SNTB1: variants seen among roughly 807,000 people sequenced by gnomAD.
The protein encoded by SNTB1 is beta-1-syntrophin.
Under a neutral mutation model 48.9 loss-of-function variants are expected in SNTB1, and 36 were observed. The ratio of observed to expected loss-of-function variants is 0.74; its 90% CI spans 0.56 to 0.97. The LOEUF is 0.97. Ranked by LOEUF, SNTB1 falls within the 50% of genes least tolerant of loss-of-function variation. The probability of loss-of-function intolerance (pLI) is 0.00; values close to 1 mark genes in which losing one functional copy is unlikely to be tolerated. For missense variants in SNTB1, 786 were observed against 703.4 expected (o/e 1.12, Z -1.33); for synonymous variants, 299 against 294.6 (o/e 1.01, Z -0.15).
intron 1 of SNTB1, among the ~76,000 whole-genome samples, chr8:120,797,946 T>TCTTGTCACACAAGAATAGTA (rs1359036693): frequency 3.3e-5 from 5 of 152,018 alleles, no homozygotes; most frequent in African/African-American, 1.2e-4. Context: ...TCAGTAGTTC[T>TCTTGTCACACAAGAATAGTA]CTTGTCACAC....
chr8:120,761,812 TAG>T (rs1205583147), intron 1 of SNTB1, among the ~76,000 whole-genome samples: 1 of 152,186 alleles, frequency 6.6e-6, no homozygotes, highest in Non-Finnish European at 1.5e-5. Context: ...TGAATAGATA[TAG>T]GATACTTGAT....
At chr8:120,621,992 T>C (rs2130742629) in intron 3 of SNTB1, among the ~76,000 whole-genome samples, 1 of 152,318 alleles carries the variant, frequency 6.6e-6, no homozygotes, top group East Asian at 1.9e-4. Context: ...ACATCACTGG[T>C]CCACCATCTC....
At chr8:120,654,591 G>A (rs527626560) in intron 2 of SNTB1, among the ~76,000 whole-genome samples, 47 of 152,108 alleles carry the variant, frequency 3.1e-4, no homozygotes, top group Non-Finnish European at 3.1e-4. Context: ...GGAATTATAC[G>A]CTCACTCTCG....
intron 1 of SNTB1, among the ~76,000 whole-genome samples, chr8:120,715,751 T>C (rs1397084608): frequency 6.6e-6 from 1 of 152,220 alleles, no homozygotes; most frequent in Non-Finnish European, 1.5e-5. Context: ...CTTTCCTTTT[T>C]TTCCCCCTCC....
intron 2 of SNTB1, among the ~76,000 whole-genome samples, chr8:120,642,094 T>A (rs1295958534): frequency 1.3e-5 from 2 of 152,064 alleles, no homozygotes; most frequent in African/African-American, 4.8e-5. Context: ...TCCAGGAAAA[T>A]CTGACTCTAG....
At chr8:120,730,351 A>G (rs1016801338) in intron 1 of SNTB1, among the ~76,000 whole-genome samples, 2 of 151,794 alleles carry the variant, frequency 1.3e-5, no homozygotes, top group Non-Finnish European at 2.9e-5. Context: ...GTATTTTTGT[A>G]GAGTATTTTG....
At chr8:120,556,001 G>T (rs1451174303) in intron 4 of SNTB1, among the ~76,000 whole-genome samples, 1 of 152,174 alleles carries the variant, frequency 6.6e-6, no homozygotes, top group African/African-American at 2.4e-5. Flanking sequence ...AATGTCTGTT[G>T]TTGGCACCAC....
intron 5 of SNTB1, among the ~76,000 whole-genome samples, chr8:120,543,446 A>G (rs1815325106): frequency 6.6e-6 from 1 of 152,260 alleles, no homozygotes; most frequent in East Asian, 1.9e-4. Context: ...TATAAACCAC[A>G]CACTTCTGAA....
At chr8:120,648,525 C>T (rs1488708556) in intron 2 of SNTB1, among the ~76,000 whole-genome samples, 5 of 152,042 alleles carry the variant, frequency 3.3e-5, no homozygotes, top group African/African-American at 7.2e-5. Context: ...AGGGTTTCTG[C>T]CGAGACATCT....
At chr8:120,559,055 C>G (rs1314170591) in intron 4 of SNTB1, among the ~76,000 whole-genome samples, 3 of 152,210 alleles carry the variant, frequency 2.0e-5, no homozygotes, top group Non-Finnish European at 4.4e-5. Flanking sequence ...CTCTCCCACT[C>G]TCAGCCCTTC....
intron 2 of SNTB1, among the ~76,000 whole-genome samples, chr8:120,634,691 G>T (rs898382729): frequency 6.6e-6 from 1 of 152,098 alleles, no homozygotes; most frequent in Non-Finnish European, 1.5e-5. Context: ...TTTTGCAGAT[G>T]GCCTGAGAGT....
chr8:120,689,335 G>T (rs1818087225), intron 2 of SNTB1, among the ~76,000 whole-genome samples: 1 of 152,186 alleles, frequency 6.6e-6, no homozygotes, highest in South Asian at 2.1e-4. Context: ...TTATAGTTCA[G>T]GCGAGCTGCT....
intron 2 of SNTB1, among the ~76,000 whole-genome samples, chr8:120,650,308 A>T (rs1184622088): frequency 6.6e-6 from 1 of 152,182 alleles, no homozygotes; most frequent in Non-Finnish European, 1.5e-5. Context: ...CCTCTCACTG[A>T]CAACACGTGA....
intron 2 of SNTB1, among the ~76,000 whole-genome samples, chr8:120,653,778 G>C (rs1169918760): frequency 6.6e-6 from 1 of 152,018 alleles, no homozygotes; most frequent in Admixed American, 6.6e-5. Context: ...TGTGGCTCAC[G>C]CCTGTAATCC....
intron 3 of SNTB1, among the ~76,000 whole-genome samples, chr8:120,575,739 C>A (rs991964961): frequency 2.6e-5 from 4 of 152,204 alleles, no homozygotes; most frequent in African/African-American, 9.6e-5. Context: ...ATTCAGGCAT[C>A]ATCTTGAAAC....
At chr8:120,719,672 C>A (rs1462651892) in intron 1 of SNTB1, among the ~76,000 whole-genome samples, 2 of 152,110 alleles carry the variant, frequency 1.3e-5, no homozygotes, top group Admixed American at 1.3e-4. Flanking sequence ...AAAAGCAGAA[C>A]CCGAGACAAG....
At chr8:120,686,693 C>G (rs1818040124) in intron 2 of SNTB1, among the ~76,000 whole-genome samples, 1 of 152,168 alleles carries the variant, frequency 6.6e-6, no homozygotes, top group Admixed American at 6.5e-5. Flanking sequence ...AAGTAACAGA[C>G]TTGGGATTTA....
chr8:120,686,923 A>G (rs1818045064), intron 2 of SNTB1, among the ~76,000 whole-genome samples: 1 of 152,208 alleles, frequency 6.6e-6, no homozygotes, highest in South Asian at 2.1e-4. Context: ...GTGCCCAACA[A>G]AGAATGAAGA....
chr8:120,703,586 A>G (rs1468831101), intron 1 of SNTB1, among the ~76,000 whole-genome samples: 1 of 152,238 alleles, frequency 6.6e-6, no homozygotes, highest in African/African-American at 2.4e-5. Context: ...AAATGGAGGT[A>G]GGCAAGATTT....
Sources: allele counts gnomAD v4.1 joint callset (sites outside exome capture counted in the v4.1 genomes callset), GRCh38; gene constraint gnomAD v4.1.1; transcripts MANE v1.5; gene names NCBI Gene and HGNC (gene_info 2026-07-23, HGNC 2026-07-21).